CARMIL1: variants seen among roughly 807,000 people sequenced by gnomAD.
The protein encoded by CARMIL1 is capping protein regulator and myosin 1 linker 1.
In CARMIL1, 90 loss-of-function variants were observed where a neutral mutation model predicts 177.1. That is an observed-to-expected ratio of 0.51 (90% CI 0.43 to 0.61). CARMIL1 has a LOEUF of 0.61. Ranked by LOEUF, CARMIL1 falls within the 20% of genes least tolerant of loss-of-function variation. The pLI is 0.00. For missense variants in CARMIL1, 1,380 were observed against 1,667.0 expected, an observed-to-expected ratio of 0.83 and a Z score of 3.00; for synonymous variants, 577 against 606.2, an observed-to-expected ratio of 0.95 and a Z score of 0.71.
chr6:25,378,896 A>G (rs1265405128), intron 2 of CARMIL1, among the ~76,000 whole-genome samples: 1 of 151,856 alleles, frequency 6.6e-6, no homozygotes, highest in Non-Finnish European at 1.5e-5. Flanking sequence ...GATTAAAAAA[A>G]AAAAAACAGG....
At chr6:25,545,338 A>C (rs1809345000) in intron 26 of CARMIL1, among the ~76,000 whole-genome samples, 1 of 152,188 alleles carries the variant, frequency 6.6e-6, no homozygotes, top group Non-Finnish European at 1.5e-5. Flanking sequence ...ATCACCAGAG[A>C]GAAACAGGTC....
intron 27 of CARMIL1, among the ~76,000 whole-genome samples, chr6:25,553,205 T>C (rs1810287081): frequency 6.6e-6 from 1 of 152,192 alleles, no homozygotes; most frequent in African/African-American, 2.4e-5. Flanking sequence ...TAGGTATGTA[T>C]TTCTCTCACG....
At chr6:25,563,226 A>G (rs1811286412) in intron 29 of CARMIL1, 5 of 985,468 alleles carry the variant, frequency 5.1e-6, no homozygotes, top group Non-Finnish European at 6.0e-6. Context: ...TCAACATGCC[A>G]TGATGACATT....
At chr6:25,525,827 A>G (rs776257566) in intron 23 of CARMIL1, among the ~76,000 whole-genome samples, 1 of 152,218 alleles carries the variant, frequency 6.6e-6, no homozygotes, top group Admixed American at 6.5e-5. Flanking sequence ...TAATTGATGA[A>G]CTAGGAAAGA....
rs903061346 is a variant in CARMIL1 at position 25,489,526 on chromosome 6, T to C, written c.1065+941T>C. On this transcript the variant is annotated intron_variant, in intron 13 of 36. Coordinates refer to ENST00000329474, the MANE Select transcript of CARMIL1 (RefSeq NM_017640.6). ...GATTAGGTATTATCTCATTTCCATA[T>C]GTGGCAAATGATCCCCTCTAGTCAC... Among the ~76,000 whole-genome samples the C allele has an allele frequency of 9.2e-5, 14 of 152,212 alleles. No homozygotes were observed. In the East Asian group the frequency reaches 2.3e-3, roughly 25 times the overall value.
chr6:25,603,704 TAGAC>T lies in CARMIL1; in HGVS notation c.3553-1105_3553-1102del, dbSNP rs1160593833. On this transcript the variant is annotated intron_variant, in intron 33 of 36. Transcript: ENST00000329474. ...ACTGGTCCACAGTGTTTTTGCTTGT[TAGAC>T]AGGCAGTAGATGTAGACCATCTTTG... Among the ~76,000 whole-genome samples the T allele has an allele frequency of 4.6e-5, 7 of 152,330 alleles. No homozygotes were observed. The East Asian group carries it at 5.8e-4, about 13-fold the overall frequency.
chr6:25,509,769 A>G lies in CARMIL1; in HGVS notation c.1477+32A>G, dbSNP rs563383642. 15 of 1,438,298 alleles carry G rather than the reference A, an allele frequency of 1.0e-5. 1 individual carries two copies. The South Asian group carries it at 1.5e-4, about 14-fold the overall frequency. 89.1% of individuals were successfully genotyped at this position (1,438,298 alleles called of 1,614,324 possible). On this transcript the variant is annotated intron_variant, in intron 18 of 36. Transcript: ENST00000329474. This position sits in a 1 kb window ranked among gnomAD's most constrained non-coding sequence, Gnocchi z 4.1. ...CAGATATTGAAAAGAAATGAAACTG[A>G]AATATTTTTTGAAGCAAGTTAATAA... is the stretch of plus-strand genomic sequence containing the variant.
chr6:25,500,783 T>C (rs145504827), intron 17 of CARMIL1, among the ~76,000 whole-genome samples: 3 of 152,218 alleles, frequency 2.0e-5, no homozygotes, highest in African/African-American at 7.2e-5. Flanking sequence ...TTCTTCTTTT[T>C]TTGAGATGGA....
intron 36 of CARMIL1, among the ~76,000 whole-genome samples, chr6:25,617,781 C>T (rs1759400036): frequency 6.6e-6 from 1 of 152,160 alleles, no homozygotes; most frequent in African/African-American, 2.4e-5. Flanking sequence ...CACCTTTGTT[C>T]TCTAAACCTG....
chr6:25,539,475 G>C (rs950984335), intron 25 of CARMIL1, among the ~76,000 whole-genome samples: 5 of 151,618 alleles, frequency 3.3e-5, no homozygotes, highest in African/African-American at 7.3e-5. Context: ...AGACATGAAG[G>C]GGAGCTGGGC....
At chr6:25,366,975 A>G (rs1461665650) in intron 2 of CARMIL1, among the ~76,000 whole-genome samples, 2 of 152,218 alleles carry the variant, frequency 1.3e-5, no homozygotes, top group Non-Finnish European at 2.9e-5. Context: ...ACTTCTGCCA[A>G]ATTGAAGCAT....
chr6:25,334,740 C>T (rs1004201234), intron 2 of CARMIL1, among the ~76,000 whole-genome samples: 1 of 152,134 alleles, frequency 6.6e-6, no homozygotes, highest in Non-Finnish European at 1.5e-5. Flanking sequence ...TTTAACAGCA[C>T]CCTTCTGTGG....
intron 9 of CARMIL1, among the ~76,000 whole-genome samples, chr6:25,468,265 T>C (rs1800802101): frequency 6.6e-6 from 1 of 152,152 alleles, no homozygotes; most frequent in African/African-American, 2.4e-5. Context: ...TCTTGATTCA[T>C]TAAAAAAAAC....
intron 8 of CARMIL1, among the ~76,000 whole-genome samples, chr6:25,454,716 C>A (rs1799332641): frequency 6.6e-6 from 1 of 152,150 alleles, no homozygotes; most frequent in Non-Finnish European, 1.5e-5. Flanking sequence ...AGACTGTTCT[C>A]AGTCCTTTTA....
intron 2 of CARMIL1, among the ~76,000 whole-genome samples, chr6:25,366,963 A>G (rs1380737429): frequency 6.6e-6 from 1 of 152,244 alleles, no homozygotes; most frequent in Non-Finnish European, 1.5e-5. Context: ...AGAAATGTTT[A>G]TACTTCTGCC....
At chr6:25,343,505 C>A (rs1384264624) in intron 2 of CARMIL1, among the ~76,000 whole-genome samples, 1 of 152,062 alleles carries the variant, frequency 6.6e-6, no homozygotes, top group South Asian at 2.1e-4. Flanking sequence ...GCCTCTCCAC[C>A]AATCTCTACT....
chr6:25,284,750 A>C, intron 1 of CARMIL1, 62 bp from the exon 2 acceptor site: 2 of 917,804 alleles, frequency 2.2e-6, no homozygotes, highest in Non-Finnish European at 3.4e-6. Context: ...TACTCCTCCA[A>C]ATGCTTACTC....
At chr6:25,314,827 A>G (rs1784148160) in intron 2 of CARMIL1, among the ~76,000 whole-genome samples, 1 of 152,170 alleles carries the variant, frequency 6.6e-6, no homozygotes, top group African/African-American at 2.4e-5. Flanking sequence ...TTTTGCCTGC[A>G]TATTTAAGGT....
chr6:25,462,837 G>A (rs930712225), intron 8 of CARMIL1, among the ~76,000 whole-genome samples: 1 of 152,180 alleles, frequency 6.6e-6, no homozygotes, highest in African/African-American at 2.4e-5. Flanking sequence ...CCAGTGAAGT[G>A]CGATAGAGGA....
Sources: allele counts gnomAD v4.1 joint callset (sites outside exome capture counted in the v4.1 genomes callset), GRCh38; gene constraint gnomAD v4.1.1; non-coding constraint Gnocchi (gnomAD v3.1); transcripts MANE v1.5; gene names NCBI Gene and HGNC (gene_info 2026-07-23, HGNC 2026-07-21).